Variants in H2BC7 observed in about 807,000 individuals in gnomAD.
H2BC7 encodes histone H2B type 1-C/E/F/G/I.
Under a neutral mutation model 6.0 loss-of-function variants are expected in H2BC7, and 15 were observed. The observed-to-expected ratio is 2.48, with a 90% CI of 1.66 to 3.82. The LOEUF is 3.82. H2BC7 is among the 30% of genes most tolerant of loss of function. H2BC7 has a pLI of 0.00. For synonymous variants in H2BC7, 148 were observed against 70.7 expected, an observed-to-expected ratio of 2.09 and a Z score of -5.49; for missense variants, 227 against 169.4, an observed-to-expected ratio of 1.34 and a Z score of -1.89.
chr6:26,199,591 A>G lies in H2BC7; in HGVS notation c.33A>G (p.Pro11=). Residue 11 remains proline, a synonymous_variant, in exon 1 of 1, where the codon CCA becomes CCG. Transcript: ENST00000356530. ...AACCTGCTAAGTCCGCTCCTGCTCC[A>G]AAAAAGGGCTCCAAAAAGGCGGTGA... MPEPAKSAPA[P]KKGSKKAVTK... 6.2e-7 allele frequency: 1 copy of G among 1,613,994 alleles called. No homozygotes were observed. The highest frequency in any genetic ancestry group is 8.5e-7 in the Non-Finnish European group (1 of 1,179,880).
chr6:26,199,782 C>T lies in H2BC7; in HGVS notation c.224C>T (p.Ala75Val), dbSNP rs1424698664. 1 of 1,614,272 alleles carries T rather than the reference C, an allele frequency of 6.2e-7. No homozygotes were observed. Among genetic ancestry groups the T allele is most frequent in the Non-Finnish European group, 8.5e-7 (1 of 1,180,052 alleles). Reference protein sequence around the residue: ...SFVNDIFERIAGEASRLAHYN... With the variant: ...SFVNDIFERIVGEASRLAHYN... ...GTCAACGATATCTTCGAGCGCATCG[C>T]TGGCGAGGCTTCCCGCCTGGCGCAT... Residue 75 changes from alanine to valine, a missense_variant, in exon 1 of 1, where the codon GCT becomes GTT. Physicochemically the swap from Ala to Val is moderately conservative, Grantham distance 64. Transcript: ENST00000356530.
Position 26,199,852 on chromosome 6 carries a change from C to T in H2BC7, c.294C>T (p.Ala98=), listed in dbSNP as rs421153. 97,474 of 1,614,184 alleles carry T rather than the reference C, an allele frequency of 0.06. 3,375 individuals are homozygous for T. The highest frequency in any genetic ancestry group is 0.068 in the Non-Finnish European group (80,369 of 1,180,018). Reference sequence around the variant, plus strand: ...TCACCTCCAGGGAGATCCAGACGGCCGTACGCCTGCTGCTGCCCGGGGAGC... The same window carrying T: ...TCACCTCCAGGGAGATCCAGACGGCTGTACGCCTGCTGCTGCCCGGGGAGC... ...STITSREIQT[A]VRLLLPGELA... Residue 98 remains alanine (A), a synonymous_variant, in exon 1 of 1, where the codon GCC becomes GCT. Coordinates refer to ENST00000356530, the MANE Select transcript of H2BC7 (RefSeq NM_003522.4).
chr6:26,199,843 C>G lies in H2BC7; in HGVS notation c.285C>G (p.Ile95Met). The change falls in exon 1 of 1, where the codon ATC (isoleucine) becomes ATG (methionine). Residue 95 changes from isoleucine (I) to methionine (M), a missense_variant. Ile to Met is a conservative substitution (Grantham distance 10, BLOSUM62 1). Transcript: ENST00000356530. Reference protein sequence around the residue: ...NKRSTITSREIQTAVRLLLPG... With the variant: ...NKRSTITSREMQTAVRLLLPG... ...GCTCCACCATCACCTCCAGGGAGAT[C>G]CAGACGGCCGTACGCCTGCTGCTGC... is the stretch of plus-strand genomic sequence containing the variant. 13 of 1,614,262 alleles carry G rather than the reference C, an allele frequency of 8.1e-6. No individual in the cohort carries two copies. Among genetic ancestry groups the G allele is most frequent in the Non-Finnish European group, 1.1e-5 (13 of 1,180,052 alleles).
chr6:26,199,628 A>G lies in H2BC7; in HGVS notation c.70A>G (p.Lys24Glu). The G allele has an allele frequency of 6.2e-7, 1 of 1,614,180 alleles. No homozygotes were observed. Among genetic ancestry groups the G allele is most frequent in the East Asian group, 2.2e-5 (1 of 44,890 alleles). The change falls in exon 1 of 1, where the codon AAG becomes GAG. Residue 24 changes from lysine (K) to glutamate (E), a missense_variant. By Grantham distance (56) the Lys-to-Glu change is moderately conservative (BLOSUM62 1). Coordinates refer to ENST00000356530, the MANE Select transcript of H2BC7 (RefSeq NM_003522.4). ...GSKKAVTKAQ[K>E]KDGKKRKRSR... ...CAAAAAGGCGGTGACCAAGGCGCAGAAGAAGGATGGTAAGAAGCGCAAGCG... is the reference window on the plus strand; with the variant it reads ...CAAAAAGGCGGTGACCAAGGCGCAGGAGAAGGATGGTAAGAAGCGCAAGCG...
rs200684560 is a variant in H2BC7 at position 26,199,921 on chromosome 6, G to A, written c.363G>A (p.Lys121=). ...AVSEGTKAVT[K]YTSSK is the part of the protein sequence containing the mutation. ...CAGAGGGCACCAAGGCCGTCACCAAGTACACCAGCTCTAAGTAATTCTAAC... is the reference window on the plus strand; with the variant it reads ...CAGAGGGCACCAAGGCCGTCACCAAATACACCAGCTCTAAGTAATTCTAAC... The change falls in exon 1 of 1, where the codon AAG becomes AAA. Residue 121 remains lysine (K), a synonymous_variant. Coordinates refer to ENST00000356530, the MANE Select transcript of H2BC7 (RefSeq NM_003522.4). The A allele has an allele frequency of 6.2e-7, 1 of 1,613,946 alleles. No homozygotes were observed. The highest frequency in any genetic ancestry group is 1.7e-5 in the Admixed American group (1 of 59,992).
rs766472721 is a variant in H2BC7, at chr6:26,199,571, G to A, written c.13G>A (p.Ala5Thr). ...GTGTTTATTTATCATGCCTGAACCT[G>A]CTAAGTCCGCTCCTGCTCCAAAAAA... MPEPAKSAPAPKKGS... is the reference protein window; with the variant it reads MPEPTKSAPAPKKGS... The change falls in exon 1 of 1, where the codon GCT (alanine) becomes ACT (threonine). Residue 5 changes from alanine (A) to threonine (T), a missense_variant. Ala to Thr is a moderately conservative substitution (Grantham distance 58). Transcript: ENST00000356530. 5 of 1,614,020 alleles carry A rather than the reference G, an allele frequency of 3.1e-6. No individual in the cohort carries two copies. In the South Asian group the frequency reaches 4.4e-5, roughly 14 times the overall value.
Position 26,199,687 on chromosome 6 carries a change from C to T in H2BC7, c.129C>T (p.Tyr43=), listed in dbSNP as rs928972145. 2 of 1,614,242 alleles carry T rather than the reference C, an allele frequency of 1.2e-6. No homozygotes were observed. Among genetic ancestry groups the T allele is most frequent in the Non-Finnish European group, 1.7e-6 (2 of 1,180,048 alleles). The change falls in exon 1 of 1, where the codon TAC becomes TAT. Residue 43 remains tyrosine (Y), a synonymous_variant. Coordinates refer to ENST00000356530, the MANE Select transcript of H2BC7 (RefSeq NM_003522.4). The stretch of plus-strand genomic sequence containing the variant: ...AGGAGAGCTATTCCGTGTACGTGTA[C>T]AAGGTGCTAAAGCAGGTCCACCCCG... The part of the protein sequence containing the change: ...SRKESYSVYV[Y]KVLKQVHPDT...
Position 26,199,796 on chromosome 6 carries a change from C to G in H2BC7, c.238C>G (p.Arg80Gly), listed in dbSNP as rs143761580. 11 of 1,614,134 alleles carry G rather than the reference C, an allele frequency of 6.8e-6. No homozygotes were observed. The highest frequency in any genetic ancestry group is 9.3e-6 in the Non-Finnish European group (11 of 1,180,050). The change falls in exon 1 of 1, where the codon CGC becomes GGC. Residue 80 changes from arginine to glycine, a missense_variant. Physicochemically the swap from Arg to Gly is moderately radical, Grantham distance 125. Coordinates refer to ENST00000356530, the MANE Select transcript of H2BC7 (RefSeq NM_003522.4). ...CGAGCGCATCGCTGGCGAGGCTTCC[C>G]GCCTGGCGCATTACAACAAGCGCTC... ...IFERIAGEASRLAHYNKRSTI... is the reference protein window; with the variant it reads ...IFERIAGEASGLAHYNKRSTI...
chr6:26,199,792 T>C lies in H2BC7; in HGVS notation c.234T>C (p.Ala78=). The C allele has an allele frequency of 6.2e-7, 1 of 1,614,232 alleles. No individual in the cohort carries two copies. Among genetic ancestry groups the C allele is most frequent in the Non-Finnish European group, 8.5e-7 (1 of 1,180,036 alleles). The change falls in exon 1 of 1, where the codon GCT becomes GCC. Residue 78 remains alanine, a synonymous_variant. Coordinates refer to ENST00000356530, the MANE Select transcript of H2BC7 (RefSeq NM_003522.4). ...TCTTCGAGCGCATCGCTGGCGAGGCTTCCCGCCTGGCGCATTACAACAAGC... is the reference window on the plus strand; with the variant it reads ...TCTTCGAGCGCATCGCTGGCGAGGCCTCCCGCCTGGCGCATTACAACAAGC... ...NDIFERIAGE[A]SRLAHYNKRS...
rs139303059 is a variant in H2BC7, at chr6:26,199,631, A to C, written c.73A>C (p.Lys25Gln). Reference sequence around the variant, plus strand: ...AAAGGCGGTGACCAAGGCGCAGAAGAAGGATGGTAAGAAGCGCAAGCGTAG... The same window carrying C: ...AAAGGCGGTGACCAAGGCGCAGAAGCAGGATGGTAAGAAGCGCAAGCGTAG... ...SKKAVTKAQK[K>Q]DGKKRKRSRK... Residue 25 changes from lysine (K) to glutamine (Q), a missense_variant, in exon 1 of 1, where the codon AAG becomes CAG. Transcript: ENST00000356530. The C allele has an allele frequency of 5.1e-5, 82 of 1,614,246 alleles. No homozygotes were observed. Among genetic ancestry groups the C allele is most frequent in the Non-Finnish European group, 6.7e-5 (79 of 1,180,038 alleles).
chr6:26,199,915 C>T lies in H2BC7; in HGVS notation c.357C>T (p.Val119=), dbSNP rs766958356. 5 of 1,614,156 alleles carry T rather than the reference C, an allele frequency of 3.1e-6. No individual in the cohort carries two copies. The highest frequency in any genetic ancestry group is 2.2e-5 in the East Asian group (1 of 44,896). ...CCGTGTCAGAGGGCACCAAGGCCGT[C>T]ACCAAGTACACCAGCTCTAAGTAAT... The part of the protein sequence containing the change: ...KHAVSEGTKA[V]TKYTSSK The change falls in exon 1 of 1, where the codon GTC becomes GTT. Residue 119 remains valine, a synonymous_variant. Coordinates refer to ENST00000356530, the MANE Select transcript of H2BC7 (RefSeq NM_003522.4).
chr6:26,199,612 G>C lies in H2BC7; in HGVS notation c.54G>C (p.Ala18=), dbSNP rs760915118. Residue 18 remains alanine, a synonymous_variant, in exon 1 of 1, where the codon GCG becomes GCC. Transcript: ENST00000356530. ...APAPKKGSKK[A]VTKAQKKDGK... is the part of the protein sequence containing the mutation. Reference sequence around the variant, plus strand: ...CTCCAAAAAAGGGCTCCAAAAAGGCGGTGACCAAGGCGCAGAAGAAGGATG... The same window carrying C: ...CTCCAAAAAAGGGCTCCAAAAAGGCCGTGACCAAGGCGCAGAAGAAGGATG... The C allele has an allele frequency of 9.9e-6, 16 of 1,614,096 alleles. No individual in the cohort carries two copies. The highest frequency in any genetic ancestry group is 7.7e-5 in the South Asian group (7 of 91,088).
In H2BC7 at chr6:26,199,987, C is replaced by T. The variant is rs1310332049; in HGVS notation, c.*48C>T. 1.2e-6 allele frequency: 2 copies of T among 1,601,734 alleles called. No individual in the cohort carries two copies. The highest frequency in any genetic ancestry group is 3.5e-5 in the Admixed American group (2 of 57,030). On this transcript the variant is annotated 3_prime_UTR_variant, in exon 1 of 1. Transcript: ENST00000356530. ...CCCAAAGGCTCTTTTAAGAGCCACCCACTTTTTCAGCTATAGAGTTGTAAT... is the reference window on the plus strand; with the variant it reads ...CCCAAAGGCTCTTTTAAGAGCCACCTACTTTTTCAGCTATAGAGTTGTAAT...
At position 26,199,582 on chromosome 6, in the gene H2BC7, T is replaced by A; in HGVS notation, c.24T>A (p.Ala8=). 6.2e-7 allele frequency: 1 copy of A among 1,614,098 alleles called. No individual in the cohort carries two copies. Among genetic ancestry groups the A allele is most frequent in the South Asian group, 1.1e-5 (1 of 91,082 alleles). The change falls in exon 1 of 1, where the codon GCT becomes GCA. Residue 8 remains alanine, a synonymous_variant. Coordinates refer to ENST00000356530, the MANE Select transcript of H2BC7 (RefSeq NM_003522.4). ...TCATGCCTGAACCTGCTAAGTCCGC[T>A]CCTGCTCCAAAAAAGGGCTCCAAAA... MPEPAKS[A]PAPKKGSKKA...
rs368844614 is a variant in H2BC7 at position 26,199,660 on chromosome 6, C to T, written c.102C>T (p.Arg34=). 1.2e-6 allele frequency: 2 copies of T among 1,614,238 alleles called. No individual in the cohort carries two copies. Among genetic ancestry groups the T allele is most frequent in the Non-Finnish European group, 8.5e-7 (1 of 1,180,038 alleles). The change falls in exon 1 of 1, where the codon CGC becomes CGT. Residue 34 remains arginine (R), a synonymous_variant. Coordinates refer to ENST00000356530, the MANE Select transcript of H2BC7 (RefSeq NM_003522.4). The part of the protein sequence containing the change: ...KKDGKKRKRS[R]KESYSVYVYK... ...ATGGTAAGAAGCGCAAGCGTAGCCGCAAGGAGAGCTATTCCGTGTACGTGT... is the reference window on the plus strand; with the variant it reads ...ATGGTAAGAAGCGCAAGCGTAGCCGTAAGGAGAGCTATTCCGTGTACGTGT...
chr6:26,199,809 A>G lies in H2BC7; in HGVS notation c.251A>G (p.Tyr84Cys). 1.9e-6 allele frequency: 3 copies of G among 1,614,240 alleles called. No homozygotes were observed. Among genetic ancestry groups the G allele is most frequent in the Non-Finnish European group, 2.5e-6 (3 of 1,180,040 alleles). Residue 84 changes from tyrosine to cysteine, a missense_variant, in exon 1 of 1, where the codon TAC (tyrosine) becomes TGC (cysteine). Physicochemically the swap from Tyr to Cys is radical, Grantham distance 194. Coordinates refer to ENST00000356530, the MANE Select transcript of H2BC7 (RefSeq NM_003522.4). Reference sequence around the variant, plus strand: ...GGCGAGGCTTCCCGCCTGGCGCATTACAACAAGCGCTCCACCATCACCTCC... The same window carrying G: ...GGCGAGGCTTCCCGCCTGGCGCATTGCAACAAGCGCTCCACCATCACCTCC... ...IAGEASRLAH[Y>C]NKRSTITSRE... is the part of the protein sequence containing the mutation.
At position 26,199,570 on chromosome 6, in the gene H2BC7, T is replaced by C. The variant is rs370982021; in HGVS notation, c.12T>C (p.Pro4=). 1 of 1,613,932 alleles carries C rather than the reference T, an allele frequency of 6.2e-7. No homozygotes were observed. Among genetic ancestry groups the C allele is most frequent in the East Asian group, 2.2e-5 (1 of 44,878 alleles). MPE[P]AKSAPAPKKG... Reference sequence around the variant, plus strand: ...AGTGTTTATTTATCATGCCTGAACCTGCTAAGTCCGCTCCTGCTCCAAAAA... The same window carrying C: ...AGTGTTTATTTATCATGCCTGAACCCGCTAAGTCCGCTCCTGCTCCAAAAA... Residue 4 remains proline (P), a synonymous_variant, in exon 1 of 1, where the codon CCT becomes CCC. Coordinates refer to ENST00000356530, the MANE Select transcript of H2BC7 (RefSeq NM_003522.4).
rs748137020 is a variant in H2BC7, at chr6:26,199,633, G to C, written c.75G>C (p.Lys25Asn). ...SKKAVTKAQKKDGKKRKRSRK... is the reference protein window; with the variant it reads ...SKKAVTKAQKNDGKKRKRSRK... ...AGGCGGTGACCAAGGCGCAGAAGAAGGATGGTAAGAAGCGCAAGCGTAGCC... is the reference window on the plus strand; with the variant it reads ...AGGCGGTGACCAAGGCGCAGAAGAACGATGGTAAGAAGCGCAAGCGTAGCC... Residue 25 changes from lysine to asparagine, a missense_variant, in exon 1 of 1, where the codon AAG becomes AAC. Coordinates refer to ENST00000356530, the MANE Select transcript of H2BC7 (RefSeq NM_003522.4). 1.2e-6 allele frequency: 2 copies of C among 1,614,244 alleles called. No individual in the cohort carries two copies. Among genetic ancestry groups the C allele is most frequent in the Non-Finnish European group, 1.7e-6 (2 of 1,180,050 alleles).
Position 26,199,606 on chromosome 6 carries a change from A to G in H2BC7, c.48A>G (p.Lys16=), listed in dbSNP as rs1427698429. Residue 16 remains lysine, a synonymous_variant, in exon 1 of 1, where the codon AAA becomes AAG. Coordinates refer to ENST00000356530, the MANE Select transcript of H2BC7 (RefSeq NM_003522.4). ...KSAPAPKKGS[K]KAVTKAQKKD... is the part of the protein sequence containing the mutation. ...CTCCTGCTCCAAAAAAGGGCTCCAA[A>G]AAGGCGGTGACCAAGGCGCAGAAGA... 3 of 1,614,094 alleles carry G rather than the reference A, an allele frequency of 1.9e-6. No individual in the cohort carries two copies. Among genetic ancestry groups the G allele is most frequent in the South Asian group, 2.2e-5 (2 of 91,088 alleles).
Sources: allele counts gnomAD v4.1 joint callset, GRCh38; gene constraint gnomAD v4.1.1; transcripts MANE v1.5; gene names NCBI Gene and HGNC (gene_info 2026-07-23, HGNC 2026-07-21).